SASH1: variants seen among roughly 807,000 people sequenced by gnomAD.
The protein encoded by SASH1 is SAM and SH3 domain containing 1.
Under a neutral mutation model 125.2 loss-of-function variants are expected in SASH1, and 44 were observed. That is an observed-to-expected ratio of 0.35 (90% CI 0.28 to 0.45). The LOEUF (loss-of-function observed/expected upper bound fraction) is 0.45, where lower values mean the gene tolerates loss of function less well. SASH1 is among the 20% of genes least tolerant of loss of function. The pLI is 1.00. For missense variants in SASH1, 1,426 were observed against 1,614.5 expected (o/e 0.88, Z 2.00); for synonymous variants, 639 against 649.1 (o/e 0.98, Z 0.24).
chr6:148,492,694 G>A (rs1779156389), intron 8 of SASH1, among the ~76,000 whole-genome samples: 1 of 151,972 alleles, frequency 6.6e-6, no homozygotes, highest in African/African-American at 2.4e-5. Context: ...GGTGGTCTGT[G>A]CCTATAGTCC....
chr6:148,229,024 C>T, the SASH1 span, among the ~76,000 whole-genome samples: 1 of 146,940 alleles, frequency 6.8e-6, no homozygotes, highest in Non-Finnish European at 1.5e-5. Context: ...ACCCCAGCTA[C>T]TGGGGAGGCT....
chr6:148,225,318 C>T, the SASH1 span, among the ~76,000 whole-genome samples: 1 of 152,136 alleles, frequency 6.6e-6, no homozygotes, highest in Non-Finnish European at 1.5e-5. Context: ...TCTTTATCAT[C>T]TGTACTTTAC....
the SASH1 span, among the ~76,000 whole-genome samples, chr6:148,226,648 C>T: frequency 4.6e-5 from 7 of 152,216 alleles, no homozygotes; most frequent in Non-Finnish European, 1.0e-4. Context: ...CTTCTTTCTT[C>T]TGTGCCTTCG....
At chr6:148,545,838 G>A (rs1263896391) in intron 18 of SASH1, among the ~76,000 whole-genome samples, 177 bp from the exon 19 acceptor site, 1 of 152,264 alleles carries the variant, frequency 6.6e-6, no homozygotes, top group Non-Finnish European at 1.5e-5. Context: ...CACTTTGGGA[G>A]GCCAAGGCGA....
chr6:148,447,770 C>T (rs1049660051), intron 4 of SASH1, among the ~76,000 whole-genome samples: 1 of 151,980 alleles, frequency 6.6e-6, no homozygotes, highest in African/African-American at 2.4e-5. Context: ...TCCTCTTCCT[C>T]TGTGGTCTGC....
chr6:148,258,447 C>A, the SASH1 span, among the ~76,000 whole-genome samples: 22 of 152,056 alleles, frequency 1.4e-4, no homozygotes, highest in Non-Finnish European at 2.6e-4. Flanking sequence ...ACTTTTATTA[C>A]CCCCAATTTA....
chr6:148,347,287 C>T (rs1014419589), intron 1 of SASH1, among the ~76,000 whole-genome samples: 3 of 152,122 alleles, frequency 2.0e-5, no homozygotes, highest in African/African-American at 7.2e-5. Context: ...TGCACCTCCC[C>T]CAAACCTGAA....
rs773941423 is a variant in SASH1, at chr6:148,440,207, G to A, written c.309G>A (p.Thr103=). The A allele has an allele frequency of 8.1e-6, 13 of 1,613,614 alleles. No individual in the cohort carries two copies. The highest frequency in any genetic ancestry group is 3.3e-5 in the Admixed American group (2 of 59,930). Residue 103 remains threonine, a synonymous_variant, in exon 3 of 20, where the codon ACG becomes ACA. Transcript: ENST00000367467. ...LEVEKPDASP[T]SLQLRSQIEE... is the part of the protein sequence containing the mutation. ...AGGAGAAACCCGATGCTAGCCCCAC[G>A]TCACTTCAGCTGCGGTCCCAGATCG...
At chr6:148,209,081 T>C in the SASH1 span, among the ~76,000 whole-genome samples, 1 of 152,226 alleles carries the variant, frequency 6.6e-6, no homozygotes, top group African/African-American at 2.4e-5. Flanking sequence ...CTTCAGGGAA[T>C]CTGTCTCCAC....
the SASH1 span, among the ~76,000 whole-genome samples, chr6:148,265,976 T>C: frequency 1.9e-5 from 2 of 105,204 alleles, no homozygotes; most frequent in African/African-American, 3.1e-5. Flanking sequence ...TCAGCAATTC[T>C]TTTTTTTTTT....
At chr6:148,402,609 A>T (rs1356731053) in intron 2 of SASH1, among the ~76,000 whole-genome samples, 5 of 128,122 alleles carry the variant, frequency 3.9e-5, no homozygotes, top group Non-Finnish European at 8.1e-5. Flanking sequence ...GCGACCGGCC[A>T]AAAATGACAT....
intron 1 of SASH1, among the ~76,000 whole-genome samples, chr6:148,303,511 C>T (rs1280143982): frequency 3.3e-5 from 5 of 152,074 alleles, no homozygotes; most frequent in Admixed American, 2.6e-4. Flanking sequence ...AAAAATTACT[C>T]CTAGGCTGGG....
upstream of SASH1, among the ~76,000 whole-genome samples, chr6:148,341,073 C>T (rs758559216): frequency 2.6e-5 from 4 of 152,020 alleles, no homozygotes; most frequent in Non-Finnish European, 5.9e-5. Flanking sequence ...AGTTCAAGGC[C>T]GCAGTGAGCT....
At position 148,439,390 on chromosome 6, in the gene SASH1, G is replaced by C. The variant is rs954479520; in HGVS notation, c.286-794G>C. Among the ~76,000 whole-genome samples the C allele has an allele frequency of 2.0e-5, 3 of 152,178 alleles. 1 individual carries two copies. In the South Asian group the frequency reaches 6.2e-4, roughly 31 times the overall value. ...TTAGGGAAGTATAGTGATTTTTAAG[G>C]CTGCAAGATAACATTCAGTTAGCTT... On this transcript the variant is annotated intron_variant, in intron 2 of 19. Transcript: ENST00000367467.
chr6:148,211,237 T>C, the SASH1 span, among the ~76,000 whole-genome samples: 2 of 152,146 alleles, frequency 1.3e-5, no homozygotes, highest in Non-Finnish European at 1.5e-5. Flanking sequence ...TTCCTACTCT[T>C]TGTGGGTCTC....
intron 1 of SASH1, among the ~76,000 whole-genome samples, chr6:148,289,106 G>C (rs372029668): frequency 6.6e-6 from 1 of 151,926 alleles, no homozygotes; most frequent in African/African-American, 2.4e-5. Context: ...TCAGCCTCCC[G>C]AGTAGCTGGA....
rs1168573666 is a variant in SASH1, at chr6:148,343,110, C to T, written c.43C>T (p.Pro15Ser). 5.7e-6 allele frequency: 9 copies of T among 1,581,582 alleles called. No homozygotes were observed. Among genetic ancestry groups the T allele is most frequent in the South Asian group, 1.1e-5 (1 of 89,100 alleles). Residue 15 changes from proline to serine, a missense_variant, in exon 1 of 20, where the codon CCC becomes TCC. Physicochemically the swap from Pro to Ser is moderately conservative, Grantham distance 74. Transcript: ENST00000367467. ...AGCTGGCCCGGGGCCGGAGCCTGAG[C>T]CCGAGCCCGAGCCGGAGCCCGAGCC... The part of the protein sequence containing the change: ...GAAGPGPEPE[P>S]EPEPEPEPAP...
At chr6:148,433,330 C>T (rs989540450) in intron 2 of SASH1, among the ~76,000 whole-genome samples, 2 of 151,496 alleles carry the variant, frequency 1.3e-5, no homozygotes, top group Non-Finnish European at 2.9e-5. Context: ...CAAATTTTAA[C>T]ACATCAAGAA....
chr6:148,246,251 A>G, the SASH1 span, among the ~76,000 whole-genome samples: 1 of 152,150 alleles, frequency 6.6e-6, no homozygotes, highest in Non-Finnish European at 1.5e-5. Flanking sequence ...TTTCATTGTC[A>G]TTTATCTTAT....
Sources: gnomAD v4.1 joint callset for allele counts (sites outside exome capture counted in the v4.1 genomes callset) on GRCh38, gnomAD v4.1.1 for gene constraint, MANE v1.5 for transcripts, NCBI Gene and HGNC (gene_info 2026-07-23, HGNC 2026-07-21) for gene names.